The following ROCK1 variants were observed in gnomAD, a reference collection of about 807,000 sequenced individuals.
The protein encoded by ROCK1 is rho-associated protein kinase 1.
Under a neutral mutation model 196.8 loss-of-function variants are expected in ROCK1, and 36 were observed. The observed-to-expected ratio is 0.18, with a 90% CI of 0.14 to 0.24. The LOEUF (loss-of-function observed/expected upper bound fraction) is 0.24, where lower values mean the gene tolerates loss of function less well. ROCK1 is among the 10% of genes least tolerant of loss of function. The pLI is 1.00. For missense variants in ROCK1, 920 were observed against 1,562.0 expected (o/e 0.59, Z 6.93); for synonymous variants, 443 against 515.9 (o/e 0.86, Z 1.91).
At chr18:21,035,338 T>C (rs2036047659) in intron 9 of ROCK1, among the ~76,000 whole-genome samples, 1 of 152,208 alleles carries the variant, frequency 6.6e-6, no homozygotes, top group Admixed American at 6.5e-5. Context: ...GGTGCAAATG[T>C]TGTGAATGTT....
intron 11 of ROCK1, among the ~76,000 whole-genome samples, chr18:21,022,065 G>T (rs1362434050): frequency 6.6e-6 from 1 of 152,042 alleles, no homozygotes; most frequent in East Asian, 1.9e-4. Context: ...CAAGGAGAAA[G>T]AAAAGAATCA....
intron 17 of ROCK1, among the ~76,000 whole-genome samples, chr18:20,992,341 T>G (rs2035633650): frequency 6.6e-6 from 1 of 152,224 alleles, no homozygotes; most frequent in South Asian, 2.1e-4. Flanking sequence ...AACTCTTAGC[T>G]AGGTATATAA....
In ROCK1 at chr18:20,950,395, A is replaced by G. The variant is rs975690316; in HGVS notation, c.*989T>C. The G allele has an allele frequency of 6.6e-6, 1 of 152,568 alleles. No individual in the cohort carries two copies. Among genetic ancestry groups the G allele is most frequent in the Non-Finnish European group, 1.5e-5 (1 of 68,010 alleles). 9.5% of individuals were successfully genotyped at this position (152,568 alleles called of 1,614,324 possible). A position where few individuals can be genotyped will look rare whatever the true frequency, so the allele number is the denominator to read the frequency against. On this transcript the variant is annotated 3_prime_UTR_variant, in exon 33 of 33. Transcript: ENST00000399799. ...GACACACATAATTTTTTGAAAATACATTTTTTGAAATTTCTATACTTACTC... is the reference window on the plus strand; with the variant it reads ...GACACACATAATTTTTTGAAAATACGTTTTTTGAAATTTCTATACTTACTC...
At chr18:21,086,392 G>A (rs932408457) in intron 1 of ROCK1, among the ~76,000 whole-genome samples, 55 of 152,214 alleles carry the variant, frequency 3.6e-4, no homozygotes, top group African/African-American at 1.2e-3. Flanking sequence ...GATTACAGGC[G>A]TGAGCCACCG....
intron 29 of ROCK1, among the ~76,000 whole-genome samples, chr18:20,959,141 ATATAAAATATATATATTAT>A (rs2035297270): frequency 1.6e-5 from 1 of 63,434 alleles, no homozygotes; most frequent in Non-Finnish European, 2.5e-5. Context: ...TATATATATT[ATATAAAATATATATATTAT>A]ATATTATATA....
chr18:21,068,747 T>C (rs1377502028), intron 2 of ROCK1, among the ~76,000 whole-genome samples: 2 of 152,212 alleles, frequency 1.3e-5, no homozygotes, highest in African/African-American at 4.8e-5. Flanking sequence ...GTATTTGTTA[T>C]AATAAATTAA....
In ROCK1 at chr18:20,967,413, T is replaced by C. The variant is rs537655265; in HGVS notation, c.3193-337A>G. On this transcript the variant is annotated intron_variant, in intron 26 of 32. Transcript: ENST00000399799. ...ATAGAAAACTTCAGAAAACCATAAC[T>C]GATGGAGCTAAAAAGCTTAGATCTA... Among the ~76,000 whole-genome samples the C allele has an allele frequency of 3.3e-5, 5 of 152,218 alleles. No individual in the cohort carries two copies. The South Asian group carries it at 1.0e-3, about 32-fold the overall frequency.
chr18:21,103,534 C>T (rs1316697875), intron 1 of ROCK1, among the ~76,000 whole-genome samples: 1 of 151,980 alleles, frequency 6.6e-6, no homozygotes, highest in African/African-American at 2.4e-5. Flanking sequence ...ACATGGCTCA[C>T]TGCAGCCTCA....
At chr18:20,966,034 C>T (rs1434306759) in intron 27 of ROCK1, among the ~76,000 whole-genome samples, 1 of 152,126 alleles carries the variant, frequency 6.6e-6, no homozygotes, top group African/African-American at 2.4e-5. Context: ...ATCAAACATG[C>T]TGCTTCATAA....
At chr18:21,062,632 G>T (rs1025581159) in intron 2 of ROCK1, among the ~76,000 whole-genome samples, 1 of 152,086 alleles carries the variant, frequency 6.6e-6, no homozygotes, top group African/African-American at 2.4e-5. Context: ...TATGGAAAGG[G>T]AATACGCTCC....
intron 13 of ROCK1, among the ~76,000 whole-genome samples, chr18:21,013,535 A>T (rs571431534): frequency 7.9e-5 from 12 of 152,320 alleles, no homozygotes; most frequent in African/African-American, 2.9e-4. Flanking sequence ...ATACCAACCC[A>T]GAAGGCAGTG....
At chr18:21,079,916 C>T (rs920065772) in intron 1 of ROCK1, among the ~76,000 whole-genome samples, 1 of 152,188 alleles carries the variant, frequency 6.6e-6, no homozygotes, top group Non-Finnish European at 1.5e-5. Context: ...TGCCCTTGTG[C>T]AGTAGAATAC....
At chr18:21,032,387 G>C (rs890859813) in intron 9 of ROCK1, among the ~76,000 whole-genome samples, 1 of 150,404 alleles carries the variant, frequency 6.6e-6, no homozygotes, top group Non-Finnish European at 1.5e-5. Context: ...ATACAGAAAA[G>C]GAAAAGAAGA....
chr18:20,968,166 C>G (rs898608840), intron 25 of ROCK1, among the ~76,000 whole-genome samples: 2 of 152,084 alleles, frequency 1.3e-5, no homozygotes, highest in African/African-American at 4.8e-5. Context: ...ACTTTACAAC[C>G]CAGTACTGAA....
chr18:21,029,280 G>A (rs2035986582), intron 9 of ROCK1, among the ~76,000 whole-genome samples: 1 of 152,108 alleles, frequency 6.6e-6, no homozygotes, highest in Non-Finnish European at 1.5e-5. Context: ...AGACTTTTTA[G>A]AAACTAAAGC....
At chr18:21,044,438 TGA>T in intron 5 of ROCK1, among the ~76,000 whole-genome samples, 1 of 152,164 alleles carries the variant, frequency 6.6e-6, no homozygotes, top group East Asian at 1.9e-4. Context: ...TCAAATCATT[TGA>T]GAGAGACAGA....
At chr18:20,990,384 G>A (rs1421323297) in intron 18 of ROCK1, among the ~76,000 whole-genome samples, 1 of 151,512 alleles carries the variant, frequency 6.6e-6, no homozygotes, top group African/African-American at 2.4e-5. Flanking sequence ...GTAGTAAACT[G>A]AGGGAACTAG....
At chr18:20,969,233 A>C in intron 23 of ROCK1, 25 bp from the exon 24 acceptor site, 1 of 1,415,486 alleles carries the variant, frequency 7.1e-7, no homozygotes, top group East Asian at 2.3e-5. Flanking sequence ...CAAAAGTTTA[A>C]GCTCCAGCCT....
rs182879386 is a variant in ROCK1 at position 21,107,906 on chromosome 18, T to C, written c.93+2912A>G. The stretch of plus-strand genomic sequence containing the variant: ...CCATCTCTACTAAAACTACAAAAAT[T>C]AGCCAGGCGTGGTAGTGCACGCGTG... On this transcript the variant is annotated intron_variant, in intron 1 of 32. Coordinates refer to ENST00000399799, the MANE Select transcript of ROCK1 (RefSeq NM_005406.3). Among the ~76,000 whole-genome samples, 99 of 152,002 alleles carry C rather than the reference T, an allele frequency of 6.5e-4. No homozygotes were observed. In the Middle Eastern group the frequency reaches 0.014, roughly 21 times the overall value.
Sources: allele counts gnomAD v4.1 joint callset (sites outside exome capture counted in the v4.1 genomes callset), GRCh38; gene constraint gnomAD v4.1.1; transcripts MANE v1.5; gene names NCBI Gene and HGNC (gene_info 2026-07-23, HGNC 2026-07-21).